Variants in PDE4D observed in about 807,000 individuals in gnomAD.
PDE4D encodes the protein 3',5'-cyclic-AMP phosphodiesterase 4D.
Under a neutral mutation model 87.4 loss-of-function variants are expected in PDE4D, and 24 were observed. That is an observed-to-expected ratio of 0.27 (90% CI 0.20 to 0.39). The LOEUF is 0.39. Ranked by LOEUF, PDE4D falls within the 10% of genes least tolerant of loss-of-function variation. The pLI, the probability that PDE4D is intolerant of heterozygous loss-of-function variation, is 1.00. For missense variants in PDE4D, 714 were observed against 1,041.0 expected (o/e 0.69, Z 4.32); for synonymous variants, 384 against 383.2 (o/e 1.00, Z -0.02).
chr5:60,157,501 G>A (rs1782080197), intron 2 of PDE4D, among the ~76,000 whole-genome samples: 1 of 152,132 alleles, frequency 6.6e-6, no homozygotes, highest in African/African-American at 2.4e-5. Context: ...TTTAGAGAAT[G>A]AGGAGGGTGC....
intron 1 of PDE4D, among the ~76,000 whole-genome samples, chr5:59,471,027 A>G (rs1049089417): frequency 3.4e-4 from 51 of 152,184 alleles, no homozygotes; most frequent in African/African-American, 1.2e-3. Context: ...GGATTGCTTA[A>G]GCCCAGCAGT....
intron 1 of PDE4D, among the ~76,000 whole-genome samples, chr5:59,323,125 T>C (rs1304257689): frequency 1.3e-5 from 2 of 152,148 alleles, no homozygotes; most frequent in African/African-American, 2.4e-5. Context: ...ACTGTTATCA[T>C]TCCTTAAATA....
intron 2 of PDE4D, among the ~76,000 whole-genome samples, chr5:60,047,622 T>G (rs1476241030): frequency 1.7e-4 from 26 of 152,300 alleles, no homozygotes; most frequent in Middle Eastern, 3.4e-3. Flanking sequence ...CATTTCGTTA[T>G]GTACCCAGTA....
Position 59,137,849 on chromosome 5 carries a change from G to A in PDE4D, c.808+42746C>T, listed in dbSNP as rs561333298. Among the ~76,000 whole-genome samples, 267 of 152,294 alleles carry A rather than the reference G, an allele frequency of 1.8e-3. 1 individual carries two copies. Among genetic ancestry groups the A allele is most frequent in the Non-Finnish European group, 2.3e-3 (159 of 68,010 alleles). On this transcript the variant is annotated intron_variant, in intron 5 of 14. Transcript: ENST00000340635. ...CCTTAAGGGGGAAACTTTCAAGAGAGAAAAACGCCAACCCTGAGGGAATAT... is the reference window on the plus strand; with the variant it reads ...CCTTAAGGGGGAAACTTTCAAGAGAAAAAAACGCCAACCCTGAGGGAATAT...
At chr5:60,508,099 C>G (rs1454695635) in intron 1 of PDE4D, among the ~76,000 whole-genome samples, 2 of 152,212 alleles carry the variant, frequency 1.3e-5, no homozygotes, top group Non-Finnish European at 2.9e-5. Context: ...GGATCCCTTC[C>G]ATCTATAAAT....
intron 1 of PDE4D, among the ~76,000 whole-genome samples, chr5:59,830,473 T>C (rs920529571): frequency 1.3e-4 from 20 of 152,134 alleles, no homozygotes; most frequent in Admixed American, 1.1e-3. Context: ...AATCTTTCAG[T>C]CATCATCCAA....
intron 2 of PDE4D, among the ~76,000 whole-genome samples, chr5:60,079,647 G>A (rs139146990): frequency 1.2e-4 from 18 of 152,272 alleles, no homozygotes; most frequent in Admixed American, 2.6e-4. Flanking sequence ...TTTCTCCACT[G>A]CTTGTTTTTG....
chr5:59,830,212 A>G (rs1740970898), intron 1 of PDE4D, among the ~76,000 whole-genome samples: 1 of 152,034 alleles, frequency 6.6e-6, no homozygotes, highest in South Asian at 2.1e-4. Context: ...CAACAAAAGG[A>G]CCAGAAGAGA....
chr5:59,147,176 A>C (rs947980881), intron 5 of PDE4D, among the ~76,000 whole-genome samples: 2 of 152,192 alleles, frequency 1.3e-5, no homozygotes, highest in Non-Finnish European at 2.9e-5. Flanking sequence ...GGTGCCAAAA[A>C]GGTTGGGGAC....
intron 1 of PDE4D, among the ~76,000 whole-genome samples, chr5:59,521,164 G>GACT (rs1812170898): frequency 6.6e-6 from 1 of 151,946 alleles, no homozygotes; most frequent in Admixed American, 6.6e-5. Flanking sequence ...ACTGAGGCAG[G>GACT]ACTAGGACAG....
intron 5 of PDE4D, among the ~76,000 whole-genome samples, chr5:59,060,218 C>T (rs1198325975): frequency 6.6e-6 from 1 of 152,134 alleles, no homozygotes; most frequent in Non-Finnish European, 1.5e-5. Context: ...GAGGCTACAC[C>T]TCACAGTGCA....
At chr5:59,901,899 A>T (rs926468811) in intron 3 of PDE4D, among the ~76,000 whole-genome samples, 3 of 150,948 alleles carry the variant, frequency 2.0e-5, no homozygotes, top group Non-Finnish European at 4.4e-5. Flanking sequence ...CTGGGTACAC[A>T]GCACAGAAAA....
chr5:59,182,114 G>GT (rs958532267), intron 4 of PDE4D, among the ~76,000 whole-genome samples: 5 of 151,858 alleles, frequency 3.3e-5, no homozygotes, highest in Admixed American at 6.6e-5. Context: ...AATTATTTTA[G>GT]TTTTTTTTAG....
intron 2 of PDE4D, among the ~76,000 whole-genome samples, chr5:60,004,083 A>C (rs1463934447): frequency 6.6e-6 from 1 of 152,226 alleles, no homozygotes; most frequent in Non-Finnish European, 1.5e-5. Flanking sequence ...AAACAGGTGG[A>C]AAGCTTCTTG....
At chr5:60,515,611 TTTTTTTTTC>T in intron 1 of PDE4D, among the ~76,000 whole-genome samples, 1 of 148,414 alleles carries the variant, frequency 6.7e-6, no homozygotes. Flanking sequence ...CTTTTTTTTT[TTTTTTTTTC>T]TGTCAGGATG....
At chr5:60,409,083 G>A (rs941022775) in intron 1 of PDE4D, among the ~76,000 whole-genome samples, 1 of 152,146 alleles carries the variant, frequency 6.6e-6, no homozygotes, top group Non-Finnish European at 1.5e-5. Flanking sequence ...ACAAAAAAAT[G>A]TGTAAACATA....
chr5:59,779,111 G>A lies in PDE4D; in HGVS notation c.455+114057C>T, dbSNP rs529702655. On this transcript the variant is annotated intron_variant, in intron 1 of 14. Transcript: ENST00000340635. ...TAGGAGGCGGAGGTTGCAGTGAGCC[G>A]AGATTGCACCGCTGCACTCCAGCCT... is the stretch of plus-strand genomic sequence containing the variant. Among the ~76,000 whole-genome samples the A allele has an allele frequency of 2.2e-3, 333 of 151,874 alleles. 1 individual carries two copies. The highest frequency in any genetic ancestry group is 7.7e-3 in the African/African-American group (318 of 41,384).
At chr5:59,918,087 T>C (rs904673905) in intron 3 of PDE4D, among the ~76,000 whole-genome samples, 4 of 151,920 alleles carry the variant, frequency 2.6e-5, no homozygotes, top group Non-Finnish European at 5.9e-5. Context: ...TGGAGAAAAA[T>C]AGTATTATAT....
At chr5:59,397,693 A>G (rs1789708123) in intron 1 of PDE4D, among the ~76,000 whole-genome samples, 2 of 117,960 alleles carry the variant, frequency 1.7e-5, no homozygotes, top group South Asian at 5.7e-4. Context: ...GAGCAAACAC[A>G]TTCAAAAGCT....
Sources: gnomAD v4.1 joint callset for allele counts (sites outside exome capture counted in the v4.1 genomes callset) on GRCh38, gnomAD v4.1.1 for gene constraint, MANE v1.5 for transcripts, NCBI Gene and HGNC (gene_info 2026-07-23, HGNC 2026-07-21) for gene names.